SLC22A3: variants seen among roughly 807,000 people sequenced by gnomAD.
SLC22A3 encodes the protein solute carrier family 22 member 3.
Under a neutral mutation model 59.1 loss-of-function variants are expected in SLC22A3, and 51 were observed. That is an observed-to-expected ratio of 0.86 (90% CI 0.69 to 1.09). The LOEUF (loss-of-function observed/expected upper bound fraction) is 1.09, where lower values mean the gene tolerates loss of function less well. SLC22A3 is among the 50% of genes least tolerant of loss of function. The pLI, the probability that SLC22A3 is intolerant of heterozygous loss-of-function variation, is 0.00. For synonymous variants in SLC22A3, 325 were observed against 292.0 expected (o/e 1.11, Z -1.15); for missense variants, 711 against 726.3 (o/e 0.98, Z 0.24).
rs976418530 is a variant in SLC22A3 at position 160,348,637 on chromosome 6, G to T, written c.218G>T (p.Arg73Leu). 1 of 1,503,696 alleles carries T rather than the reference G, an allele frequency of 6.7e-7. No individual in the cohort carries two copies. Among genetic ancestry groups the T allele is most frequent in the Non-Finnish European group, 8.8e-7 (1 of 1,134,084 alleles). The allele number at this position is 1,503,696 out of a possible 1,614,324, so 93.1% of individuals were successfully genotyped here. A position where few individuals can be genotyped will look rare whatever the true frequency, so the allele number is the denominator to read the frequency against. Residue 73 changes from arginine to leucine, a missense_variant, in exon 1 of 11, where the codon CGC (arginine) becomes CTC (leucine). By Grantham distance (102) the Arg-to-Leu change is moderately radical (BLOSUM62 -2). Transcript: ENST00000275300. Reference sequence around the variant, plus strand: ...TGGAGCCCGGAGGAGGAGTGGAACCGCACGGCGCCCGCCTCCCGCGGCCCA... The same window carrying T: ...TGGAGCCCGGAGGAGGAGTGGAACCTCACGGCGCCCGCCTCCCGCGGCCCA... ...CGWSPEEEWN[R>L]TAPASRGPEP... is the part of the protein sequence containing the mutation.
intron 1 of SLC22A3, among the ~76,000 whole-genome samples, chr6:160,368,732 A>G (rs1396486635): frequency 1.3e-5 from 2 of 152,120 alleles, no homozygotes; most frequent in African/African-American, 4.8e-5. Context: ...GGTCTTATGT[A>G]TCACACCAAA....
chr6:160,390,897 G>T (rs1786228730), intron 1 of SLC22A3, among the ~76,000 whole-genome samples: 1 of 152,084 alleles, frequency 6.6e-6, no homozygotes, highest in South Asian at 2.1e-4. Flanking sequence ...CTGTCTCTTG[G>T]GCTCTAGGAG....
chr6:160,379,117 A>G (rs1479611050), intron 1 of SLC22A3, among the ~76,000 whole-genome samples: 1 of 152,222 alleles, frequency 6.6e-6, no homozygotes, highest in African/African-American at 2.4e-5. Context: ...AGCCCCAACA[A>G]TTACACAGAA....
intron 1 of SLC22A3, among the ~76,000 whole-genome samples, chr6:160,377,159 T>G (rs1220072223): frequency 6.6e-6 from 1 of 152,160 alleles, no homozygotes; most frequent in Admixed American, 6.5e-5. Flanking sequence ...GTCTGCAGCC[T>G]TTGTCAAATA....
intron 1 of SLC22A3, among the ~76,000 whole-genome samples, chr6:160,355,578 G>A (rs556788497): frequency 1.4e-3 from 204 of 150,550 alleles, no homozygotes; most frequent in African/African-American, 4.5e-3. Context: ...TGGCTAACAC[G>A]GTGAAACCCC....
rs530453161 is a variant in SLC22A3, at chr6:160,372,781, A to G, written c.429+23933A>G. ...TCTCTGATATCTTTTCTTCTGGTTGATTGATTCGGCTATTGATACTTGTGT... is the reference window on the plus strand; with the variant it reads ...TCTCTGATATCTTTTCTTCTGGTTGGTTGATTCGGCTATTGATACTTGTGT... On this transcript the variant is annotated intron_variant, in intron 1 of 10. Coordinates refer to ENST00000275300, the MANE Select transcript of SLC22A3 (RefSeq NM_021977.4). Among the ~76,000 whole-genome samples, 9 of 152,186 alleles carry G rather than the reference A, an allele frequency of 5.9e-5. No homozygotes were observed. In the South Asian group the frequency reaches 1.9e-3, roughly 32 times the overall value.
intron 1 of SLC22A3, chr6:160,349,141 C>T: frequency 5.6e-6 from 5 of 898,178 alleles, no homozygotes; most frequent in Non-Finnish European, 6.7e-6. Flanking sequence ...TGGCGCACGC[C>T]TGCTCAGGAG....
rs149928938 is a variant in SLC22A3 at position 160,408,654 on chromosome 6, A to G, written c.689-99A>G. On this transcript the variant is annotated intron_variant, in intron 3 of 10. Coordinates refer to ENST00000275300, the MANE Select transcript of SLC22A3 (RefSeq NM_021977.4). ...ATCTGAGTGCTAGCGTGTTCTAGCA[A>G]TGCTGATGGATGTAACAGGTGTAAC... 783 of 1,169,334 alleles carry G rather than the reference A, an allele frequency of 6.7e-4. 3 individuals are homozygous for G. The African/African-American group carries it at 9.4e-3, about 14-fold the overall frequency. 72.4% of individuals were successfully genotyped at this position (1,169,334 alleles called of 1,614,324 possible). A position where few individuals can be genotyped will look rare whatever the true frequency, so the allele number is the denominator to read the frequency against.
intron 1 of SLC22A3, among the ~76,000 whole-genome samples, chr6:160,351,274 C>T (rs1784651328): frequency 6.6e-6 from 1 of 152,126 alleles, no homozygotes; most frequent in Admixed American, 6.5e-5. Context: ...TGCCACCATG[C>T]CCGGCTAATT....
intron 1 of SLC22A3, among the ~76,000 whole-genome samples, chr6:160,356,001 C>T (rs1027226452): frequency 6.6e-6 from 1 of 152,136 alleles, no homozygotes; most frequent in African/African-American, 2.4e-5. Flanking sequence ...GCCCTCCTAG[C>T]CTAACGCAGT....
rs183010382 is a variant in SLC22A3, at chr6:160,422,270, G to A, written c.975+11424G>A. Among the ~76,000 whole-genome samples, 474 of 152,324 alleles carry A rather than the reference G, an allele frequency of 3.1e-3. 2 individuals carry two copies. Among genetic ancestry groups the A allele is most frequent in the African/African-American group, 0.011 (462 of 41,564 alleles). On this transcript the variant is annotated intron_variant, in intron 5 of 10. Transcript: ENST00000275300. ...CCCTTTGACATAGATGAAGCTGGAG[G>A]AAATTGTACTAAAAAGTAAGTAAGT...
At chr6:160,358,602 C>A (rs749247036) in intron 1 of SLC22A3, among the ~76,000 whole-genome samples, 5 of 152,190 alleles carry the variant, frequency 3.3e-5, no homozygotes, top group Non-Finnish European at 7.3e-5. Context: ...ATTTCTCAAG[C>A]CCCCGTGGAT....
At chr6:160,373,295 G>A (rs1263901057) in intron 1 of SLC22A3, among the ~76,000 whole-genome samples, 1 of 152,148 alleles carries the variant, frequency 6.6e-6, no homozygotes, top group East Asian at 1.9e-4. Context: ...TTTGTTGGAG[G>A]TCCACTTTAG....
intron 1 of SLC22A3, among the ~76,000 whole-genome samples, chr6:160,367,941 C>T (rs768704391): frequency 6.6e-6 from 1 of 152,162 alleles, no homozygotes; most frequent in Non-Finnish European, 1.5e-5. Context: ...GTTCTTCAGC[C>T]CATATCTTCC....
At chr6:160,419,581 A>G (rs985347878) in intron 5 of SLC22A3, among the ~76,000 whole-genome samples, 5 of 152,238 alleles carry the variant, frequency 3.3e-5, no homozygotes, top group Non-Finnish European at 5.9e-5. Context: ...AGAAAGATTG[A>G]GTCTCAAAAA....
intron 1 of SLC22A3, among the ~76,000 whole-genome samples, chr6:160,366,399 C>T (rs543198800): frequency 6.6e-6 from 1 of 152,336 alleles, no homozygotes; most frequent in African/African-American, 2.4e-5. Flanking sequence ...GAGATGGGCT[C>T]CCACAGCCTT....
intron 5 of SLC22A3, among the ~76,000 whole-genome samples, chr6:160,434,444 A>G (rs1404944333): frequency 1.3e-5 from 2 of 152,214 alleles, no homozygotes; most frequent in African/African-American, 4.8e-5. Context: ...TTCACTCCTG[A>G]AAGTCCTAAG....
chr6:160,419,998 G>C (rs1006815273), intron 5 of SLC22A3, among the ~76,000 whole-genome samples: 2 of 152,090 alleles, frequency 1.3e-5, no homozygotes, highest in African/African-American at 4.8e-5. Flanking sequence ...TGAGAAAACT[G>C]TTCATGCTAC....
In SLC22A3 at chr6:160,447,870, G is replaced by A. The variant is rs75089883; in HGVS notation, c.1610+52G>A. ...AAATAAAAGCAATATTTAAAACCAC[G>A]GGGGAAAGAATGACATTGAGAAAAT... On this transcript the variant is annotated intron_variant, in intron 10 of 10. Transcript: ENST00000275300. 1.2e-3 allele frequency: 1,513 copies of A among 1,305,604 alleles called. 12 individuals are homozygous for A. In the African/African-American group the frequency reaches 0.019, roughly 16 times the overall value. The allele number at this position is 1,305,604 out of a possible 1,614,324, so 80.9% of individuals were successfully genotyped here.
Sources: allele counts gnomAD v4.1 joint callset (sites outside exome capture counted in the v4.1 genomes callset), GRCh38; gene constraint gnomAD v4.1.1; transcripts MANE v1.5; gene names NCBI Gene and HGNC (gene_info 2026-07-23, HGNC 2026-07-21).